KAZN: variants seen among roughly 807,000 people sequenced by gnomAD.
KAZN encodes kazrin, periplakin interacting protein.
KAZN carries 40 observed loss-of-function variants against 87.4 expected under a neutral mutation model. The ratio of observed to expected loss-of-function variants is 0.46; its 90% CI spans 0.36 to 0.60. The LOEUF (loss-of-function observed/expected upper bound fraction) is 0.60. Among genes scored for constraint, KAZN ranks in the 20% least tolerant of loss-of-function variants. The pLI is 0.00. For synonymous variants in KAZN, 466 were observed against 458.3 expected (o/e 1.02, Z -0.22); for missense variants, 898 against 1,073.9 (o/e 0.84, Z 2.29).
At position 15,099,864 on chromosome 1, in the gene KAZN, A is replaced by G. The variant is rs1640976476; in HGVS notation, c.1548-1679A>G. Among the ~76,000 whole-genome samples the G allele has an allele frequency of 6.6e-6, 1 of 152,148 alleles. No homozygotes were observed. Among genetic ancestry groups the G allele is most frequent in the Non-Finnish European group, 1.5e-5 (1 of 68,012 alleles). On this transcript the variant is annotated intron_variant, in intron 10 of 14. Transcript: ENST00000376030. This position sits in a 1 kb window ranked among gnomAD's most constrained non-coding sequence, Gnocchi z 5.4. ...GAGACGCCTGCAGCTTAGAGCTGGG[A>G]AAGGAGAGAAGTGGACAGAGGATGC...
At chr1:14,384,176 A>G (rs1048898088) in intron 2 of KAZN, among the ~76,000 whole-genome samples, 1 of 150,418 alleles carries the variant, frequency 6.6e-6, no homozygotes. Flanking sequence ...GTATCCTGAG[A>G]CTTTGCTGAA....
chr1:14,886,697 G>A (rs4661541), intron 1 of KAZN, among the ~76,000 whole-genome samples: 17,146 of 151,956 alleles, frequency 0.11, 1,584 homozygotes, highest in African/African-American at 0.25. Flanking sequence ...AGGCTGAGGC[G>A]GGAGAATCGC....
At chr1:14,805,720 C>G (rs1646190631) in intron 1 of KAZN, among the ~76,000 whole-genome samples, 1 of 151,244 alleles carries the variant, frequency 6.6e-6, no homozygotes, top group African/African-American at 2.4e-5. Flanking sequence ...GAGATCGCGC[C>G]AATGCACTCC....
intron 2 of KAZN, among the ~76,000 whole-genome samples, chr1:14,304,896 T>C (rs1363860423): frequency 3.9e-5 from 6 of 152,126 alleles, no homozygotes; most frequent in Non-Finnish European, 7.3e-5. Flanking sequence ...ATCAGAACAT[T>C]CTTTTAGAAG....
Position 14,689,133 on chromosome 1 carries a change from T to C in KAZN, c.226+89910T>C, listed in dbSNP as rs536819442. Among the ~76,000 whole-genome samples the C allele has an allele frequency of 7.2e-5, 11 of 152,264 alleles. No homozygotes were observed. In the South Asian group the frequency reaches 2.3e-3, roughly 32 times the overall value. On this transcript the variant is annotated intron_variant, in intron 1 of 14. Transcript: ENST00000376030. Reference sequence around the variant, plus strand: ...TCCCTTGAACCTGAGAGGCTGAGTTTGCAGTGAGCCGAGATCGTGCCACTG... The same window carrying C: ...TCCCTTGAACCTGAGAGGCTGAGTTCGCAGTGAGCCGAGATCGTGCCACTG...
chr1:14,214,004 C>T (rs779259639), intron 2 of KAZN, among the ~76,000 whole-genome samples: 8 of 152,060 alleles, frequency 5.3e-5, no homozygotes, highest in Non-Finnish European at 8.8e-5. Flanking sequence ...GCAGATTTGG[C>T]GTGGGCTTAA....
chr1:13,913,734 G>C (rs1485627746), intron 1 of KAZN, among the ~76,000 whole-genome samples: 2 of 152,160 alleles, frequency 1.3e-5, no homozygotes, highest in Non-Finnish European at 1.5e-5. Context: ...TTTTGAAGTG[G>C]TTTTCTAACT....
At chr1:14,691,100 G>A (rs1041032260) in intron 1 of KAZN, among the ~76,000 whole-genome samples, 3 of 152,160 alleles carry the variant, frequency 2.0e-5, no homozygotes, top group Non-Finnish European at 2.9e-5. Context: ...CTAAACAAGC[G>A]CTGACTTAGA....
chr1:14,116,514 C>T (rs1644621839), intron 1 of KAZN, among the ~76,000 whole-genome samples: 1 of 152,212 alleles, frequency 6.6e-6, no homozygotes, highest in Non-Finnish European at 1.5e-5. Context: ...GCCTAGATTT[C>T]AGAGGATGTA....
chr1:14,859,197 C>G (rs1001681961), intron 1 of KAZN, among the ~76,000 whole-genome samples: 1 of 148,148 alleles, frequency 6.8e-6, no homozygotes, highest in African/African-American at 2.5e-5. Context: ...GGTGACAGAG[C>G]GAGACCCCGT....
intron 1 of KAZN, among the ~76,000 whole-genome samples, chr1:14,687,958 G>A (rs1039215742): frequency 1.2e-4 from 19 of 152,256 alleles, no homozygotes; most frequent in African/African-American, 4.1e-4. Context: ...CAGTGCCCAC[G>A]GCACAGGGTG....
chr1:14,936,463 T>C (rs1660469242), intron 1 of KAZN, among the ~76,000 whole-genome samples: 1 of 152,210 alleles, frequency 6.6e-6, no homozygotes, highest in Non-Finnish European at 1.5e-5. Flanking sequence ...CCATGGGATA[T>C]GCCTTGGTCT....
At chr1:14,000,448 C>T (rs10927987) in intron 1 of KAZN, among the ~76,000 whole-genome samples, 22,093 of 152,170 alleles carry the variant, frequency 0.15, 1,713 homozygotes, top group Middle Eastern at 0.22. Flanking sequence ...ACAAAAACTA[C>T]ATGATTATTT....
intron 1 of KAZN, among the ~76,000 whole-genome samples, chr1:14,676,003 T>C (rs191826669): frequency 5.3e-5 from 8 of 152,202 alleles, no homozygotes; most frequent in African/African-American, 1.9e-4. Flanking sequence ...GGCCAAAATA[T>C]AGGGGAGGTG....
At chr1:14,468,964 A>G (rs570782423) in intron 2 of KAZN, among the ~76,000 whole-genome samples, 24 of 152,284 alleles carry the variant, frequency 1.6e-4, no homozygotes, top group African/African-American at 5.8e-4. Flanking sequence ...CATGATGAAT[A>G]CTGGGATTGT....
At chr1:14,522,001 T>C (rs1295315669) in intron 2 of KAZN, among the ~76,000 whole-genome samples, 1 of 152,210 alleles carries the variant, frequency 6.6e-6, no homozygotes, top group East Asian at 1.9e-4. Flanking sequence ...CATCCAAATG[T>C]GTGTTAGGGA....
chr1:15,002,536 A>G (rs1573031060), intron 2 of KAZN, among the ~76,000 whole-genome samples: 1 of 152,240 alleles, frequency 6.6e-6, no homozygotes, highest in South Asian at 2.1e-4. Flanking sequence ...TCTCTGAATG[A>G]CCTTGGGTGG....
At chr1:14,813,918 G>T (rs1181951459) in intron 1 of KAZN, among the ~76,000 whole-genome samples, 2 of 152,208 alleles carry the variant, frequency 1.3e-5, no homozygotes, top group African/African-American at 4.8e-5. Flanking sequence ...ACCCATACAA[G>T]TAGGCAGCAC....
rs1667335453 is a variant in KAZN at position 14,452,572 on chromosome 1, GT to G, written c.250-146410del. Among the ~76,000 whole-genome samples, 5 of 152,104 alleles carry G rather than the reference GT, an allele frequency of 3.3e-5. No homozygotes were observed. The South Asian group carries it at 1.0e-3, about 32-fold the overall frequency. ...AAGACCCTCCAGGTATATATAGCAA[GT>G]GGCCATTTGGCTGAGGCAGGACCTT... is the stretch of plus-strand genomic sequence containing the variant. On this transcript the variant is annotated intron_variant, in intron 2 of 16. Coordinates refer to the KAZN transcript ENST00000636203.
Sources: gnomAD v4.1 joint callset for allele counts (sites outside exome capture counted in the v4.1 genomes callset) on GRCh38, gnomAD v4.1.1 for gene constraint, Gnocchi (gnomAD v3.1) non-coding constraint, MANE v1.5 for transcripts, NCBI Gene and HGNC (gene_info 2026-07-23, HGNC 2026-07-21) for gene names.